GCGR: variants seen among roughly 807,000 people sequenced by gnomAD.
GCGR encodes glucagon receptor.
A neutral mutation model predicts 56.1 loss-of-function variants in GCGR; 41 were observed. That is an observed-to-expected ratio of 0.73 (90% CI 0.57 to 0.95). The LOEUF (loss-of-function observed/expected upper bound fraction) is 0.95, where lower values mean the gene tolerates loss of function less well. GCGR is among the 40% of genes least tolerant of loss of function. The pLI, the probability that GCGR is intolerant of heterozygous loss-of-function variation, is 0.00. For synonymous variants in GCGR, 278 were observed against 271.1 expected (o/e 1.03, Z -0.25); for missense variants, 595 against 638.2 (o/e 0.93, Z 0.73).
In GCGR at chr17:81,813,875, G is replaced by A. The variant is rs1291369665; in HGVS notation, c.*186G>A. Reference sequence around the variant, plus strand: ...TCTCCCTGCACCTGCCTTGTCCCTGGTGCAGAGGTGAGCAGAGGAGTCCAG... The same window carrying A: ...TCTCCCTGCACCTGCCTTGTCCCTGATGCAGAGGTGAGCAGAGGAGTCCAG... On this transcript the variant is annotated 3_prime_UTR_variant, in exon 14 of 14. Transcript: ENST00000400723. This position sits in a 1 kb window ranked among gnomAD's most constrained non-coding sequence, Gnocchi z 5.3. The A allele has an allele frequency of 7.3e-5, 45 of 618,130 alleles. No individual in the cohort carries two copies. Among genetic ancestry groups the A allele is most frequent in the Non-Finnish European group, 8.5e-6 (3 of 353,930 alleles). 38.3% of individuals were successfully genotyped at this position (618,130 alleles called of 1,614,324 possible). A position where few individuals can be genotyped will look rare whatever the true frequency, so the allele number is the denominator to read the frequency against.
At position 81,812,677 on chromosome 17, in the gene GCGR, G is replaced by A. The variant is rs916345618; in HGVS notation, c.1037+12G>A. Reference sequence around the variant, plus strand: ...GACTACAAGTTCCGGTGGGTGCCGCGGCAGCTGGCGTCTCGAGACCTGGAG... The same window carrying A: ...GACTACAAGTTCCGGTGGGTGCCGCAGCAGCTGGCGTCTCGAGACCTGGAG... On this transcript the variant is annotated intron_variant, in intron 11 of 13. Transcript: ENST00000400723. The surrounding 1 kb of genome is among the most constrained non-coding windows in gnomAD (Gnocchi z 8.5). 39 of 1,532,182 alleles carry A rather than the reference G, an allele frequency of 2.5e-5. No individual in the cohort carries two copies. The highest frequency in any genetic ancestry group is 3.6e-5 in the South Asian group (3 of 83,906). 94.9% of individuals were successfully genotyped at this position (1,532,182 alleles called of 1,614,324 possible).
In GCGR at chr17:81,813,837, A is replaced by G; in HGVS notation, c.*148A>G. ...CCCACCCCCAGTGTGGCTGTCTGCG[A>G]GATTGGGCCTCCTCTCCCTGCACCT... On this transcript the variant is annotated 3_prime_UTR_variant, in exon 14 of 14. Transcript: ENST00000400723. This position sits in a 1 kb window ranked among gnomAD's most constrained non-coding sequence, Gnocchi z 5.3. 1.4e-6 allele frequency: 1 copy of G among 705,994 alleles called. No individual in the cohort carries two copies. Among genetic ancestry groups the G allele is most frequent in the South Asian group, 1.9e-5 (1 of 53,342 alleles). The allele number at this position is 705,994 out of a possible 1,614,324, so 43.7% of individuals were successfully genotyped here.
intron 1 of GCGR, among the ~76,000 whole-genome samples, chr17:81,808,055 T>G (rs377459225): frequency 1.5e-4 from 23 of 152,150 alleles, no homozygotes; most frequent in African/African-American, 5.6e-4. Context: ...AACCGAGCCT[T>G]GCACGGCACC....
rs2037921067 is a variant in GCGR, at chr17:81,804,922, C to G, written c.-178+673C>G. ...CCGGCCCCCTCGGCGCCCGCATCCT[C>G]CAAGGACCGGCCAGGGCTGCTCTCT... On this transcript the variant is annotated intron_variant, in intron 1 of 13. Coordinates refer to ENST00000400723, the MANE Select transcript of GCGR (RefSeq NM_000160.5). The surrounding 1 kb of genome is among the most constrained non-coding windows in gnomAD (Gnocchi z 8.2). Among the ~76,000 whole-genome samples, 2 of 152,224 alleles carry G rather than the reference C, an allele frequency of 1.3e-5. No individual in the cohort carries two copies. The highest frequency in any genetic ancestry group is 1.3e-4 in the Admixed American group (2 of 15,292).
chr17:81,813,657 G>A lies in GCGR; in HGVS notation c.1402G>A (p.Gly468Ser). 6.5e-7 allele frequency: 1 copy of A among 1,535,864 alleles called. No individual in the cohort carries two copies. The highest frequency in any genetic ancestry group is 1.4e-5 in the African/African-American group (1 of 73,126). Residue 468 changes from glycine (G) to serine (S), a missense_variant, in exon 14 of 14, where the codon GGC becomes AGC. Gly to Ser is a moderately conservative substitution (Grantham distance 56, BLOSUM62 0). Coordinates refer to ENST00000400723, the MANE Select transcript of GCGR (RefSeq NM_000160.5). This position sits in a 1 kb window ranked among gnomAD's most constrained non-coding sequence, Gnocchi z 5.3. The part of the protein sequence containing the change: ...DSSAETPLAG[G>S]LPRLAESPF ...ATCTGCGGAGACCCCCTTGGCTGGT[G>A]GCCTCCCTAGATTGGCTGAGAGCCC...
In GCGR at chr17:81,806,278, A is replaced by T. The variant is rs990791115; in HGVS notation, c.-178+2029A>T. On this transcript the variant is annotated intron_variant, in intron 1 of 13. Transcript: ENST00000400723. The surrounding 1 kb of genome is among the most constrained non-coding windows in gnomAD (Gnocchi z 6.5). ...TGCACCTCCTGCCTCACTATCAGAGACCCAGTGGAGAATTGCCTCCCACCT... is the reference window on the plus strand; with the variant it reads ...TGCACCTCCTGCCTCACTATCAGAGTCCCAGTGGAGAATTGCCTCCCACCT... Among the ~76,000 whole-genome samples the T allele has an allele frequency of 2.6e-5, 4 of 152,038 alleles. No homozygotes were observed. The highest frequency in any genetic ancestry group is 5.9e-5 in the Non-Finnish European group (4 of 67,998).
rs1216725965 is a variant in GCGR, at chr17:81,808,924, G to A, written c.-95G>A. The A allele has an allele frequency of 6.9e-7, 1 of 1,454,346 alleles. No homozygotes were observed. Among genetic ancestry groups the A allele is most frequent in the East Asian group, 2.5e-5 (1 of 40,480 alleles). 90.1% of individuals were successfully genotyped at this position (1,454,346 alleles called of 1,614,324 possible). ...CCAGGCTCTGCTGCTCTGCCACTCA[G>A]CTGCCCTCGGAGGAGCGTACACACC... On this transcript the variant is annotated 5_prime_UTR_variant, in exon 2 of 14. Coordinates refer to ENST00000400723, the MANE Select transcript of GCGR (RefSeq NM_000160.5).
At chr17:81,809,576 T>C (rs2038047289) in intron 2 of GCGR, among the ~76,000 whole-genome samples, 1 of 150,760 alleles carries the variant, frequency 6.6e-6, no homozygotes, top group Non-Finnish European at 1.5e-5. Context: ...TCTGCCTGTC[T>C]GTCCGTCTGT....
chr17:81,812,918 C>T lies in GCGR; in HGVS notation c.1149C>T (p.Phe383=), dbSNP rs546540436. Residue 383 remains phenylalanine (F), a synonymous_variant, in exon 12 of 14, where the codon TTC becomes TTT. Transcript: ENST00000400723. This position sits in a 1 kb window ranked among gnomAD's most constrained non-coding sequence, Gnocchi z 8.5. The part of the protein sequence containing the change: ...AQGTLRSAKL[F]FDLFLSSFQG... The stretch of plus-strand genomic sequence containing the variant: ...GCACCCTGCGCTCCGCCAAGCTCTT[C>T]TTCGACCTCTTCCTCAGCTCCTTCC... The T allele has an allele frequency of 6.1e-5, 93 of 1,536,074 alleles. No individual in the cohort carries two copies. In the African/African-American group the frequency reaches 1.1e-3, roughly 17 times the overall value.
In GCGR at chr17:81,810,315, C is replaced by G; in HGVS notation, c.163+431C>G. ...AGAGGATAGGGCTGGAGGACTCACCCGGGAGGCAGTGCCTGGGTTCGGATG... is the reference window on the plus strand; with the variant it reads ...AGAGGATAGGGCTGGAGGACTCACCGGGGAGGCAGTGCCTGGGTTCGGATG... On this transcript the variant is annotated intron_variant, in intron 3 of 13. Transcript: ENST00000400723. This position sits in a 1 kb window ranked among gnomAD's most constrained non-coding sequence, Gnocchi z 4.6. The G allele has an allele frequency of 3.0e-6, 1 of 328,370 alleles. No homozygotes were observed. Among genetic ancestry groups the G allele is most frequent in the South Asian group, 2.8e-5 (1 of 35,414 alleles). 20.3% of individuals were successfully genotyped at this position (328,370 alleles called of 1,614,324 possible). A position where few individuals can be genotyped will look rare whatever the true frequency, so the allele number is the denominator to read the frequency against.
chr17:81,804,864 C>T lies in GCGR; in HGVS notation c.-178+615C>T, dbSNP rs748040078. Among the ~76,000 whole-genome samples, 1 of 152,040 alleles carries T rather than the reference C, an allele frequency of 6.6e-6. No homozygotes were observed. The highest frequency in any genetic ancestry group is 1.5e-5 in the Non-Finnish European group (1 of 67,982). Reference sequence around the variant, plus strand: ...CCCACCACCCGGCCGACTCGGCCACCGGGCTTATGCTCCGACTCTGAACCG... The same window carrying T: ...CCCACCACCCGGCCGACTCGGCCACTGGGCTTATGCTCCGACTCTGAACCG... On this transcript the variant is annotated intron_variant, in intron 1 of 13. Transcript: ENST00000400723. The surrounding 1 kb of genome is among the most constrained non-coding windows in gnomAD (Gnocchi z 8.2).
At chr17:81,805,592 C>T (rs1470843346) in intron 1 of GCGR, among the ~76,000 whole-genome samples, 1 of 147,220 alleles carries the variant, frequency 6.8e-6, no homozygotes, top group Non-Finnish European at 1.5e-5. Context: ...ACCTCGGGAA[C>T]CCCCGCATTG....
Position 81,811,070 on chromosome 17 carries a change from G to A in GCGR, c.332G>A (p.Arg111Gln), listed in dbSNP as rs28522411. 8.5e-6 allele frequency: 13 copies of A among 1,536,050 alleles called. No homozygotes were observed. Among genetic ancestry groups the A allele is most frequent in the Admixed American group, 3.9e-5 (2 of 50,984 alleles). ...GPDGQWVRGP[R>Q]GQPWRDASQC... Reference sequence around the variant, plus strand: ...GACGGTCAGTGGGTGCGTGGACCCCGGGGGCAGCCTTGGCGTGATGCCTCC... The same window carrying A: ...GACGGTCAGTGGGTGCGTGGACCCCAGGGGCAGCCTTGGCGTGATGCCTCC... The change falls in exon 5 of 14, where the codon CGG (arginine) becomes CAG (glutamine). Residue 111 changes from arginine to glutamine, a missense_variant. Coordinates refer to ENST00000400723, the MANE Select transcript of GCGR (RefSeq NM_000160.5). This position sits in a 1 kb window ranked among gnomAD's most constrained non-coding sequence, Gnocchi z 5.8.
Position 81,809,852 on chromosome 17 carries a change from A to C in GCGR, c.131A>C (p.His44Pro). The change falls in exon 3 of 14, where the codon CAC (histidine) becomes CCC (proline). Residue 44 changes from histidine to proline, a missense_variant. His to Pro is a moderately conservative substitution (Grantham distance 77). Coordinates refer to ENST00000400723, the MANE Select transcript of GCGR (RefSeq NM_000160.5). ...TGGAAGCTCTACGGTGACCAGTGTC[A>C]CCACAACCTGAGCCTGCTGCCCCCT... ...EKWKLYGDQC[H>P]HNLSLLPPPT... 6.5e-7 allele frequency: 1 copy of C among 1,536,508 alleles called. No homozygotes were observed. Among genetic ancestry groups the C allele is most frequent in the South Asian group, 1.2e-5 (1 of 84,058 alleles).
chr17:81,812,147 G>T lies in GCGR; in HGVS notation c.879-36G>T, dbSNP rs2038115927. On this transcript the variant is annotated intron_variant, in intron 9 of 13. Transcript: ENST00000400723. The surrounding 1 kb of genome is among the most constrained non-coding windows in gnomAD (Gnocchi z 8.5). Reference sequence around the variant, plus strand: ...GTGCTGAGGGGCGGAGGGGCTGGGGGCTGTGCCCCAGTATGTGAGTGGCCT... The same window carrying T: ...GTGCTGAGGGGCGGAGGGGCTGGGGTCTGTGCCCCAGTATGTGAGTGGCCT... 5.9e-6 allele frequency: 9 copies of T among 1,535,218 alleles called. No homozygotes were observed. The highest frequency in any genetic ancestry group is 7.9e-6 in the Non-Finnish European group (9 of 1,146,122).
At chr17:81,809,570 CCTGT>C (rs1316390448) in intron 2 of GCGR, among the ~76,000 whole-genome samples, 4 of 138,098 alleles carry the variant, frequency 2.9e-5, no homozygotes, top group Admixed American at 2.2e-4. Context: ...TGTCCGTCTG[CCTGT>C]CTGTCCGTCT....
chr17:81,808,709 C>T (rs923266188), intron 1 of GCGR, 133 bp from the exon 2 acceptor site: 15 of 413,858 alleles, frequency 3.6e-5, no homozygotes, highest in South Asian at 1.5e-4. Flanking sequence ...TTAGTAGAGA[C>T]GGGGTTTCAC....
intron 1 of GCGR, among the ~76,000 whole-genome samples, chr17:81,807,374 T>C (rs1364765070): frequency 1.3e-5 from 2 of 152,244 alleles, no homozygotes; most frequent in Non-Finnish European, 2.9e-5. Context: ...CGCAGGTGCC[T>C]GTCCCTGTCA....
chr17:81,807,720 C>T (rs918587027), intron 1 of GCGR, among the ~76,000 whole-genome samples: 10 of 152,370 alleles, frequency 6.6e-5, no homozygotes, highest in Admixed American at 2.0e-4. Context: ...CAGCCACTCG[C>T]GGGACCCCGC....
Sources: gnomAD v4.1 joint callset for allele counts (sites outside exome capture counted in the v4.1 genomes callset) on GRCh38, gnomAD v4.1.1 for gene constraint, Gnocchi (gnomAD v3.1) non-coding constraint, MANE v1.5 for transcripts, NCBI Gene and HGNC (gene_info 2026-07-23, HGNC 2026-07-21) for gene names.